The following PALLD variants were observed in gnomAD, a reference collection of about 807,000 sequenced individuals.
PALLD encodes palladin, cytoskeletal associated protein.
PALLD carries 61 observed loss-of-function variants against 123.5 expected under a neutral mutation model. The ratio of observed to expected loss-of-function variants is 0.49; its 90% CI spans 0.40 to 0.61. The LOEUF (loss-of-function observed/expected upper bound fraction) is 0.61, where lower values mean the gene tolerates loss of function less well. PALLD is among the 20% of genes least tolerant of loss of function. PALLD has a pLI of 0.00. For synonymous variants in PALLD, 465 were observed against 496.4 expected, an observed-to-expected ratio of 0.94 and a Z score of 0.84; for missense variants, 1,273 against 1,377.0, an observed-to-expected ratio of 0.92 and a Z score of 1.20.
intron 2 of PALLD, among the ~76,000 whole-genome samples, chr4:168,538,062 C>T (rs1215398162): frequency 6.6e-6 from 1 of 152,046 alleles, no homozygotes; most frequent in East Asian, 1.9e-4. Context: ...GTGGCAATAC[C>T]AAAACAAGCT....
rs550989079 is a variant in PALLD at position 168,748,867 on chromosome 4, G to C, written c.1964+36944G>C. ...TGTGGCAATTTGCTGCTTCTTCAAGGCTTTCAAGGCCAGCAGGAGTCTCTC... is the reference window on the plus strand; with the variant it reads ...TGTGGCAATTTGCTGCTTCTTCAAGCCTTTCAAGGCCAGCAGGAGTCTCTC... On this transcript the variant is annotated intron_variant, in intron 10 of 21. Transcript: ENST00000505667. Among the ~76,000 whole-genome samples, 21 of 152,322 alleles carry C rather than the reference G, an allele frequency of 1.4e-4. No individual in the cohort carries two copies. In the South Asian group the frequency reaches 3.1e-3, roughly 23 times the overall value.
chr4:168,903,651 G>A (rs1757021513), intron 14 of PALLD, 106 bp from the exon 15 acceptor site: 1 of 921,794 alleles, frequency 1.1e-6, no homozygotes, highest in African/African-American at 1.6e-5. Flanking sequence ...ATTTTAACAT[G>A]AAAACTCAGA....
intron 2 of PALLD, among the ~76,000 whole-genome samples, chr4:168,595,797 A>G (rs1771917157): frequency 6.6e-6 from 1 of 152,126 alleles, no homozygotes; most frequent in South Asian, 2.1e-4. Flanking sequence ...TGCCAGGGTG[A>G]GGGTAGAAAA....
chr4:168,921,664 G>A lies in PALLD; in HGVS notation c.2981G>A (p.Arg994His), dbSNP rs1010581356. Residue 994 changes from arginine to histidine, a missense_variant, in exon 18 of 22, where the codon CGT (arginine) becomes CAT (histidine). By Grantham distance (29) the Arg-to-His change is conservative. Transcript: ENST00000505667. ...CTGATCATAGAGCCAGTCACGTCACGTGATGCCGGCATCTACACATGTATA... is the reference window on the plus strand; with the variant it reads ...CTGATCATAGAGCCAGTCACGTCACATGATGCCGGCATCTACACATGTATA... ...HSLIIEPVTS[R>H]DAGIYTCIAT... 6 of 1,610,690 alleles carry A rather than the reference G, an allele frequency of 3.7e-6. No individual in the cohort carries two copies. Among genetic ancestry groups the A allele is most frequent in the South Asian group, 1.1e-5 (1 of 90,866 alleles).
At chr4:168,868,169 G>A (rs954818450) in intron 10 of PALLD, among the ~76,000 whole-genome samples, 4 of 152,092 alleles carry the variant, frequency 2.6e-5, no homozygotes, top group African/African-American at 9.7e-5. Context: ...TGCTTGGCCT[G>A]GCCTGACCTG....
intron 2 of PALLD, among the ~76,000 whole-genome samples, chr4:168,600,053 A>G (rs1262829671): frequency 7.5e-6 from 1 of 133,644 alleles, no homozygotes; most frequent in Admixed American, 7.3e-5. Flanking sequence ...GTATACACAC[A>G]TATATACATA....
chr4:168,563,563 TTTTAA>T (rs1380303111), intron 2 of PALLD, among the ~76,000 whole-genome samples: 3 of 152,344 alleles, frequency 2.0e-5, no homozygotes, highest in East Asian at 1.9e-4. Flanking sequence ...TTGTTAGTAA[TTTTAA>T]TTTGTCTTTT....
At chr4:168,539,144 A>G (rs1174202680) in intron 2 of PALLD, among the ~76,000 whole-genome samples, 1 of 152,226 alleles carries the variant, frequency 6.6e-6, no homozygotes, top group Non-Finnish European at 1.5e-5. Context: ...TTTCATCCTT[A>G]CTACAGCTGT....
chr4:168,631,330 G>GC (rs1775776991), intron 2 of PALLD, among the ~76,000 whole-genome samples: 1 of 152,188 alleles, frequency 6.6e-6, no homozygotes, highest in African/African-American at 2.4e-5. Context: ...CTTGAGAGCT[G>GC]CAACGTTTCC....
intron 10 of PALLD, among the ~76,000 whole-genome samples, chr4:168,835,306 T>TG (rs1561579258): frequency 6.6e-6 from 1 of 152,126 alleles, no homozygotes; most frequent in Non-Finnish European, 1.5e-5. Context: ...TACAAGTAAA[T>TG]GGGGAAAATA....
rs145559734 is a variant in PALLD, at chr4:168,795,998, A to T, written c.1964+84075A>T. On this transcript the variant is annotated intron_variant, in intron 10 of 21. Coordinates refer to ENST00000505667, the MANE Select transcript of PALLD (RefSeq NM_001166108.2). ...TGTGAAATAATCACAATGTGAAATC[A>T]TGGAGAATGGGGTACCCGTCCCCTG... Among the ~76,000 whole-genome samples the T allele has an allele frequency of 6.0e-4, 92 of 152,314 alleles. 1 individual carries two copies. The highest frequency in any genetic ancestry group is 2.1e-3 in the African/African-American group (86 of 41,564).
chr4:168,499,357 G>C (rs78097047), intron 1 of PALLD, among the ~76,000 whole-genome samples: 1 of 87,164 alleles, frequency 1.1e-5, no homozygotes, highest in Admixed American at 1.3e-4. Context: ...AGGGAGGGAG[G>C]GGGGAGGGAG....
intron 2 of PALLD, among the ~76,000 whole-genome samples, chr4:168,528,101 A>T (rs1764246760): frequency 2.6e-5 from 4 of 152,066 alleles, no homozygotes; most frequent in Admixed American, 1.3e-4. Context: ...GCATTGTTTG[A>T]GTTTTAGTGT....
intron 15 of PALLD, 113 bp from the exon 16 acceptor site, chr4:168,913,814 T>C: frequency 1.3e-6 from 1 of 785,646 alleles, no homozygotes. Context: ...TCAAATGGCA[T>C]ACTGAATTTT....
chr4:168,889,034 T>C (rs1316815723), intron 10 of PALLD, among the ~76,000 whole-genome samples: 1 of 152,168 alleles, frequency 6.6e-6, no homozygotes, highest in African/African-American at 2.4e-5. Context: ...AGTGTTTAGG[T>C]ACATTCTTAG....
rs1235009377 is a variant in PALLD, at chr4:168,511,615, A to G, written c.111A>G (p.Glu37=). The change falls in exon 2 of 22, where the codon GAA becomes GAG. Residue 37 remains glutamate (E), a synonymous_variant. Transcript: ENST00000505667. ...GCCTTTCTGCTTTCCTCAGCCAGGA[A>G]GAGATAAACAAGAGTCTTGACCTGG... ...FPGLSAFLSQ[E]EINKSLDLAR... is the part of the protein sequence containing the mutation. The G allele has an allele frequency of 1.2e-6, 2 of 1,614,060 alleles. No individual in the cohort carries two copies. The highest frequency in any genetic ancestry group is 1.7e-5 in the Admixed American group (1 of 60,014).
In PALLD at chr4:168,512,238, A is replaced by G. The variant is rs1323331854; in HGVS notation, c.734A>G (p.Asp245Gly). 1 of 1,613,892 alleles carries G rather than the reference A, an allele frequency of 6.2e-7. No individual in the cohort carries two copies. Among genetic ancestry groups the G allele is most frequent in the Non-Finnish European group, 8.5e-7 (1 of 1,179,906 alleles). Residue 245 changes from aspartate (D) to glycine (G), a missense_variant, in exon 2 of 22, where the codon GAC becomes GGC. Physicochemically the swap from Asp to Gly is moderately conservative, Grantham distance 94. Transcript: ENST00000505667. ...KSPGARHCYQ[D>G]NQDLAVPHNR... ...CCTGGGGCCAGGCATTGCTACCAGG[A>G]CAACCAGGACTTGGCAGTGCCACAC... is the stretch of plus-strand genomic sequence containing the variant.
intron 10 of PALLD, among the ~76,000 whole-genome samples, chr4:168,720,240 A>T (rs1307871098): frequency 1.3e-5 from 2 of 152,258 alleles, no homozygotes; most frequent in African/African-American, 4.8e-5. Flanking sequence ...ATTTTGTAGA[A>T]GAATGGCCAA....
intron 10 of PALLD, among the ~76,000 whole-genome samples, chr4:168,792,762 TTTTC>T (rs1398057926): frequency 5.3e-5 from 8 of 151,888 alleles, no homozygotes; most frequent in Non-Finnish European, 7.4e-5. Context: ...TATTCTTTTT[TTTTC>T]TTTTTTTGTT....
Sources: gnomAD v4.1 joint callset for allele counts (sites outside exome capture counted in the v4.1 genomes callset) on GRCh38, gnomAD v4.1.1 for gene constraint, MANE v1.5 for transcripts, NCBI Gene and HGNC (gene_info 2026-07-23, HGNC 2026-07-21) for gene names.